The following TENM3 variants were observed in gnomAD, a reference collection of about 807,000 sequenced individuals.
TENM3 encodes teneurin-3.
TENM3 carries 63 observed loss-of-function variants against 255.1 expected under a neutral mutation model. That is an observed-to-expected ratio of 0.25 (90% CI 0.20 to 0.30). The LOEUF is 0.30. TENM3 is among the 10% of genes least tolerant of loss of function. The pLI, the probability that TENM3 is intolerant of heterozygous loss-of-function variation, is 1.00. For missense variants in TENM3, 2,929 were observed against 3,461.1 expected (o/e 0.85, Z 3.86); for synonymous variants, 1,306 against 1,322.3 (o/e 0.99, Z 0.27).
intron 1 of TENM3, among the ~76,000 whole-genome samples, chr4:182,202,758 T>C (rs913207948): frequency 1.3e-5 from 2 of 152,134 alleles, no homozygotes; most frequent in African/African-American, 4.8e-5. Context: ...TGACTAAACC[T>C]AATCCACAGC....
At chr4:181,690,437 G>T in the TENM3 span, among the ~76,000 whole-genome samples, 75 of 152,310 alleles carry the variant, frequency 4.9e-4, no homozygotes, top group Admixed American at 1.8e-3. Flanking sequence ...GTTTCTGGAA[G>T]AAAAGCCAGG....
In TENM3 at chr4:182,800,257, G is replaced by A. The variant is rs778369745; in HGVS notation, c.8006G>A (p.Gly2669Glu). 3.8e-6 allele frequency: 6 copies of A among 1,594,226 alleles called. No homozygotes were observed. The East Asian group carries it at 1.1e-4, about 30-fold the overall frequency. The change falls in exon 28 of 28, where the codon GGG becomes GAG. Residue 2669 changes from glycine (G) to glutamate (E), a missense_variant. Coordinates refer to ENST00000511685, the MANE Select transcript of TENM3 (RefSeq NM_001080477.4). The stretch of plus-strand genomic sequence containing the variant: ...GCCGGCAAGGTGCAGGGCTACGACG[G>A]GTACTACGTACTCTCGGTGGAGCAG... ...LSAGKVQGYD[G>E]YYVLSVEQYP...
At chr4:181,682,554 T>C in the TENM3 span, among the ~76,000 whole-genome samples, 1 of 152,126 alleles carries the variant, frequency 6.6e-6, no homozygotes, top group East Asian at 1.9e-4. Flanking sequence ...TGGTTTTGGG[T>C]TTGACTCAAA....
At chr4:182,732,706 A>T (rs2152716582) in intron 16 of TENM3, among the ~76,000 whole-genome samples, 1 of 152,286 alleles carries the variant, frequency 6.6e-6, no homozygotes, top group African/African-American at 2.4e-5. Context: ...ATGCACCTGT[A>T]GTCCTAGCTA....
At chr4:182,100,782 TACAC>T in the TENM3 span, among the ~76,000 whole-genome samples, 6 of 12,504 alleles carry the variant, frequency 4.8e-4, no homozygotes, top group Non-Finnish European at 1.1e-3. Flanking sequence ...CACATATATA[TACAC>T]ATATATATAC....
intron 7 of TENM3, among the ~76,000 whole-genome samples, chr4:182,677,583 C>T (rs1036009945): frequency 3.9e-5 from 6 of 152,152 alleles, no homozygotes; most frequent in Non-Finnish European, 5.9e-5. Context: ...TTTCCTCTGA[C>T]AATTCTAGAA....
chr4:182,673,096 G>A lies in TENM3; in HGVS notation c.1203G>A (p.Gly401=), dbSNP rs548344598. Residue 401 remains glycine, a synonymous_variant, in exon 7 of 28, where the codon GGG becomes GGA. Transcript: ENST00000511685. ...GAGCAATTCAAGAGATTCCTCCCGG[G>A]ATCTTCTGGAGATCACAGCTCTTCA... The part of the protein sequence containing the change: ...GRRAIQEIPP[G]IFWRSQLFID... 34 of 1,612,956 alleles carry A rather than the reference G, an allele frequency of 2.1e-5. No homozygotes were observed. The South Asian group carries it at 3.6e-4, about 17-fold the overall frequency.
At chr4:181,464,880 G>A in the TENM3 span, among the ~76,000 whole-genome samples, 2 of 152,128 alleles carry the variant, frequency 1.3e-5, no homozygotes, top group Non-Finnish European at 2.9e-5. Flanking sequence ...GAACCCAGGA[G>A]GCAGAGGTTG....
At chr4:182,041,378 GATAA>G in the TENM3 span, among the ~76,000 whole-genome samples, 1 of 152,158 alleles carries the variant, frequency 6.6e-6, no homozygotes, top group East Asian at 1.9e-4. Flanking sequence ...TTTTTGTAAT[GATAA>G]ATAGCCATAT....
the TENM3 span, among the ~76,000 whole-genome samples, chr4:181,738,653 T>C: frequency 6.6e-6 from 1 of 151,934 alleles, no homozygotes. Context: ...AGATTAGTTT[T>C]CCTATTTGCT....
At chr4:182,097,011 G>C in the TENM3 span, among the ~76,000 whole-genome samples, 1 of 152,116 alleles carries the variant, frequency 6.6e-6, no homozygotes, top group African/African-American at 2.4e-5. Flanking sequence ...AAAACCTCAA[G>C]AAAGTTATTA....
chr4:182,499,721 A>G (rs540858622), intron 3 of TENM3, among the ~76,000 whole-genome samples: 32 of 152,224 alleles, frequency 2.1e-4, no homozygotes, highest in Non-Finnish European at 4.1e-4. Context: ...TAAAAGAAAT[A>G]GACAACTGAT....
chr4:181,839,384 T>TATATACAC, the TENM3 span, among the ~76,000 whole-genome samples: 3,779 of 82,958 alleles, frequency 0.046, 339 homozygotes, highest in South Asian at 0.084. Flanking sequence ...TATATATATA[T>TATATACAC]ACACCTATAT....
the TENM3 span, among the ~76,000 whole-genome samples, chr4:181,572,962 T>C: frequency 6.6e-6 from 1 of 152,176 alleles, no homozygotes; most frequent in African/African-American, 2.4e-5. Flanking sequence ...TTTTAACTTT[T>C]AGCTCCCACA....
the TENM3 span, among the ~76,000 whole-genome samples, chr4:181,569,343 TC>T: frequency 0.15 from 22,134 of 152,178 alleles, 1,732 homozygotes; most frequent in African/African-American, 0.21. Context: ...GAAATTAAAA[TC>T]TGACTTATTT....
intron 1 of TENM3, among the ~76,000 whole-genome samples, chr4:182,320,179 C>T (rs1451716489): frequency 2.0e-5 from 3 of 152,106 alleles, no homozygotes; most frequent in African/African-American, 7.2e-5. Context: ...ACACTGTTTT[C>T]TCTAAAGGAC....
Position 182,380,488 on chromosome 4 carries a change from C to G in TENM3, c.511+33559C>G, listed in dbSNP as rs1767491325. Among the ~76,000 whole-genome samples the G allele has an allele frequency of 2.0e-5, 3 of 152,106 alleles. No homozygotes were observed. The South Asian group carries it at 6.2e-4, about 32-fold the overall frequency. On this transcript the variant is annotated intron_variant, in intron 3 of 27. Transcript: ENST00000511685. Reference sequence around the variant, plus strand: ...CAGTGCCTGGCATTGCGTAAGCATGCAATAAATATTTGTGCATTTGGATTG... The same window carrying G: ...CAGTGCCTGGCATTGCGTAAGCATGGAATAAATATTTGTGCATTTGGATTG...
At chr4:181,718,184 A>G in the TENM3 span, among the ~76,000 whole-genome samples, 1 of 152,258 alleles carries the variant, frequency 6.6e-6, no homozygotes, top group African/African-American at 2.4e-5. Flanking sequence ...GAATGGAAGA[A>G]TACAAGTCTG....
chr4:181,943,665 TG>T, the TENM3 span, among the ~76,000 whole-genome samples: 1 of 152,200 alleles, frequency 6.6e-6, no homozygotes, highest in Non-Finnish European at 1.5e-5. Flanking sequence ...CGCCAGAATC[TG>T]GAGTTAAATG....
Sources: gnomAD v4.1 joint callset for allele counts (sites outside exome capture counted in the v4.1 genomes callset) on GRCh38, gnomAD v4.1.1 for gene constraint, MANE v1.5 for transcripts, NCBI Gene and HGNC (gene_info 2026-07-23, HGNC 2026-07-21) for gene names.